Variants in ADAMTS3 observed in about 807,000 individuals in gnomAD.
The protein encoded by ADAMTS3 is ADAM metallopeptidase with thrombospondin type 1 motif 3, also known as A disintegrin and metalloproteinase with thrombospondin motifs 3.
In ADAMTS3, 73 loss-of-function variants were observed where a neutral mutation model predicts 129.0. The ratio of observed to expected loss-of-function variants is 0.57; its 90% confidence interval spans 0.47 to 0.69. ADAMTS3 has a LOEUF of 0.69. Ranked by LOEUF, ADAMTS3 falls within the 30% of genes least tolerant of loss-of-function variation. The pLI is 0.00. For synonymous variants in ADAMTS3, 477 were observed against 510.8 expected, an observed-to-expected ratio of 0.93 and a Z score of 0.89; for missense variants, 1,457 against 1,514.5, an observed-to-expected ratio of 0.96 and a Z score of 0.63.
Position 72,281,025 on chromosome 4 carries a change from T to C in ADAMTS3, c.*2111A>G, listed in dbSNP as rs988614867. 2.6e-5 allele frequency: 4 copies of C among 152,624 alleles called. No homozygotes were observed. Among genetic ancestry groups the C allele is most frequent in the Non-Finnish European group, 2.9e-5 (2 of 68,030 alleles). 9.5% of individuals were successfully genotyped at this position (152,624 alleles called of 1,614,324 possible). ...CTCTCAGTACAACAAACAGCATCAG[T>C]AGTGTACACTTTGATAAAAAGGAAT... On this transcript the variant is annotated 3_prime_UTR_variant, in exon 22 of 22. Coordinates refer to ENST00000286657, the MANE Select transcript of ADAMTS3 (RefSeq NM_014243.3).
At chr4:72,369,176 C>T (rs1338227612) in intron 4 of ADAMTS3, among the ~76,000 whole-genome samples, 1 of 152,168 alleles carries the variant, frequency 6.6e-6, no homozygotes, top group African/African-American at 2.4e-5. Context: ...TATAACTAAT[C>T]CTCATAAAAA....
At chr4:72,561,966 T>C (rs1388085557) in intron 2 of ADAMTS3, among the ~76,000 whole-genome samples, 1 of 152,240 alleles carries the variant, frequency 6.6e-6, no homozygotes, top group Non-Finnish European at 1.5e-5. Context: ...GTATAAATTA[T>C]ATGTGGGAAC....
At chr4:72,337,418 T>C (rs1377791162) in intron 5 of ADAMTS3, among the ~76,000 whole-genome samples, 3 of 152,282 alleles carry the variant, frequency 2.0e-5, no homozygotes, top group African/African-American at 2.4e-5. Context: ...CATTCCTACA[T>C]AGAAGTCCTT....
chr4:72,465,618 C>A (rs1257936727), intron 3 of ADAMTS3, among the ~76,000 whole-genome samples: 1 of 152,010 alleles, frequency 6.6e-6, no homozygotes, highest in Non-Finnish European at 1.5e-5. Context: ...AGGGCAAAAT[C>A]TCTACCTTCA....
chr4:72,363,715 TAGA>T (rs754999432), intron 4 of ADAMTS3, among the ~76,000 whole-genome samples: 5 of 149,582 alleles, frequency 3.3e-5, no homozygotes, highest in Non-Finnish European at 7.4e-5. Context: ...CAATAAGCAA[TAGA>T]AGGCCTCATA....
intron 3 of ADAMTS3, among the ~76,000 whole-genome samples, chr4:72,544,426 T>C (rs1388824393): frequency 2.6e-5 from 4 of 152,176 alleles, no homozygotes; most frequent in African/African-American, 9.7e-5. Flanking sequence ...AGAGTTACAC[T>C]TGACCAATCT....
intron 18 of ADAMTS3, among the ~76,000 whole-genome samples, chr4:72,296,514 CAAT>C (rs1252970233): frequency 3.9e-5 from 6 of 151,922 alleles, no homozygotes; most frequent in Admixed American, 2.0e-4. Context: ...TAAGAAAAAA[CAAT>C]ATTTGTATAC....
In ADAMTS3 at chr4:72,371,082, G is replaced by C. The variant is rs567076077; in HGVS notation, c.662-31389C>G. Among the ~76,000 whole-genome samples the C allele has an allele frequency of 6.6e-5, 10 of 152,082 alleles. No homozygotes were observed. The South Asian group carries it at 1.2e-3, about 19-fold the overall frequency. ...TGTCTACAAGCCAAGAAACACCAAG[G>C]ATTACAGGCAACCACCAGGAGCTAG... On this transcript the variant is annotated intron_variant, in intron 4 of 21. Coordinates refer to ENST00000286657, the MANE Select transcript of ADAMTS3 (RefSeq NM_014243.3).
chr4:72,353,160 A>T lies in ADAMTS3; in HGVS notation c.662-13467T>A, dbSNP rs144743921. Among the ~76,000 whole-genome samples the T allele has an allele frequency of 2.6e-5, 4 of 152,120 alleles. 1 individual carries two copies. Among genetic ancestry groups the T allele is most frequent in the African/African-American group, 9.6e-5 (4 of 41,536 alleles). Reference sequence around the variant, plus strand: ...GATTTCTTTTTGTGTACTTGTATTCAATGATAACAAAGAAATTGTAGCAAC... The same window carrying T: ...GATTTCTTTTTGTGTACTTGTATTCTATGATAACAAAGAAATTGTAGCAAC... On this transcript the variant is annotated intron_variant, in intron 4 of 21. Transcript: ENST00000286657.
intron 3 of ADAMTS3, among the ~76,000 whole-genome samples, chr4:72,496,816 AGAT>A (rs1044613566): frequency 6.6e-6 from 1 of 152,018 alleles, no homozygotes; most frequent in Non-Finnish European, 1.5e-5. Context: ...TGCTTTCTGA[AGAT>A]GATAATTATA....
In ADAMTS3 at chr4:72,515,097, G is replaced by C. The variant is rs534636934; in HGVS notation, c.504+33381C>G. 7.3e-5 allele frequency among the ~76,000 whole-genome samples: 11 copies of C among 151,646 alleles called. No homozygotes were observed. The South Asian group carries it at 2.3e-3, about 32-fold the overall frequency. ...GAGAACATGCGGTGTTTGGTTTTTTGTCCTTGCGATAGTTTGCTGAGAATG... is the reference window on the plus strand; with the variant it reads ...GAGAACATGCGGTGTTTGGTTTTTTCTCCTTGCGATAGTTTGCTGAGAATG... On this transcript the variant is annotated intron_variant, in intron 3 of 21. Coordinates refer to ENST00000286657, the MANE Select transcript of ADAMTS3 (RefSeq NM_014243.3).
chr4:72,421,128 C>T (rs1420688221), intron 3 of ADAMTS3, among the ~76,000 whole-genome samples: 4 of 152,070 alleles, frequency 2.6e-5, no homozygotes, highest in African/African-American at 9.7e-5. Context: ...AACTCTAGAC[C>T]ATGGCCTATA....
At chr4:72,311,430 A>C (rs759499036) in intron 13 of ADAMTS3, among the ~76,000 whole-genome samples, 1 of 152,134 alleles carries the variant, frequency 6.6e-6, no homozygotes, top group Non-Finnish European at 1.5e-5. Context: ...GAGCAGGAAC[A>C]ACAGGTATAA....
chr4:72,303,999 C>A lies in ADAMTS3; in HGVS notation c.2342G>T (p.Gly781Val). ...TTCAATGTTATAATCCCACTCCACA[C>A]CAAGATCTATGAAGGTCCGCGACTT... is the stretch of plus-strand genomic sequence containing the variant. ...EAKSRTFIDLGVEWDYNIEDD... is the reference protein window; with the variant it reads ...EAKSRTFIDLVVEWDYNIEDD... Residue 781 changes from glycine to valine, a missense_variant, in exon 17 of 22, where the codon GGT becomes GTT. Coordinates refer to ENST00000286657, the MANE Select transcript of ADAMTS3 (RefSeq NM_014243.3). 1 of 1,613,746 alleles carries A rather than the reference C, an allele frequency of 6.2e-7. No homozygotes were observed. Among genetic ancestry groups the A allele is most frequent in the Non-Finnish European group, 8.5e-7 (1 of 1,179,740 alleles).
intron 3 of ADAMTS3, among the ~76,000 whole-genome samples, chr4:72,422,560 T>C (rs1422591501): frequency 6.6e-6 from 1 of 152,132 alleles, no homozygotes; most frequent in East Asian, 1.9e-4. Flanking sequence ...AACAATGATG[T>C]ATGCTAAAAA....
intron 4 of ADAMTS3, among the ~76,000 whole-genome samples, chr4:72,374,850 C>A (rs927149827): frequency 6.6e-6 from 1 of 152,146 alleles, no homozygotes; most frequent in African/African-American, 2.4e-5. Context: ...TGACTATAAT[C>A]ATTTAAAATC....
chr4:72,525,922 T>G (rs989764513), intron 3 of ADAMTS3, among the ~76,000 whole-genome samples: 16 of 152,184 alleles, frequency 1.1e-4, no homozygotes, highest in African/African-American at 3.9e-4. Flanking sequence ...CATCCCCATG[T>G]ACCTGTGAAT....
intron 8 of ADAMTS3, 55 bp from the exon 9 acceptor site, chr4:72,319,530 AT>A: frequency 6.4e-7 from 1 of 1,551,578 alleles, no homozygotes; most frequent in South Asian, 1.2e-5. Flanking sequence ...CCTTCACTTA[AT>A]TTTGGTTTTG....
intron 3 of ADAMTS3, among the ~76,000 whole-genome samples, chr4:72,463,314 C>T (rs1007907814): frequency 1.3e-5 from 2 of 151,968 alleles, no homozygotes; most frequent in African/African-American, 4.8e-5. Flanking sequence ...AATATATCCT[C>T]CACATTAAGC....
Sources: allele counts gnomAD v4.1 joint callset (sites outside exome capture counted in the v4.1 genomes callset), GRCh38; gene constraint gnomAD v4.1.1; transcripts MANE v1.5; gene names NCBI Gene and HGNC (gene_info 2026-07-23, HGNC 2026-07-21).